TMEM74: variants seen among roughly 807,000 people sequenced by gnomAD.
TMEM74 encodes transmembrane protein 74.
In TMEM74, 13 loss-of-function variants were observed where a neutral mutation model predicts 18.1. The observed-to-expected ratio is 0.72, with a 90% CI of 0.47 to 1.14. The LOEUF (loss-of-function observed/expected upper bound fraction) is 1.14. TMEM74 is among the 50% of genes most tolerant of loss of function. The pLI, the probability that TMEM74 is intolerant of heterozygous loss-of-function variation, is 0.00. For synonymous variants in TMEM74, 159 were observed against 146.6 expected, an observed-to-expected ratio of 1.08 and a Z score of -0.61; for missense variants, 372 against 375.9, an observed-to-expected ratio of 0.99 and a Z score of 0.09.
chr8:108,759,273 G>A (rs1440397709), intron 1 of TMEM74, among the ~76,000 whole-genome samples: 3 of 152,034 alleles, frequency 2.0e-5, no homozygotes, highest in African/African-American at 4.8e-5. Context: ...ATTAAGAAAA[G>A]TGAACTGTTT....
chr8:108,654,781 A>G (rs931134319), intron 2 of TMEM74, among the ~76,000 whole-genome samples: 1 of 151,584 alleles, frequency 6.6e-6, no homozygotes, highest in African/African-American at 2.4e-5. Flanking sequence ...ATTCCACCTA[A>G]TTTTAAGGAA....
intron 1 of TMEM74, among the ~76,000 whole-genome samples, chr8:108,752,503 C>A (rs917734850): frequency 3.3e-5 from 5 of 152,136 alleles, no homozygotes; most frequent in Admixed American, 1.3e-4. Context: ...GCTGTCACTG[C>A]AGCAAGTATG....
intron 1 of TMEM74, among the ~76,000 whole-genome samples, chr8:108,686,147 T>A (rs903100504): frequency 2.6e-5 from 4 of 152,148 alleles, no homozygotes; most frequent in African/African-American, 9.6e-5. Flanking sequence ...CTAAAAAAAA[T>A]TAAGCAAGAT....
intron 1 of TMEM74, among the ~76,000 whole-genome samples, chr8:108,740,004 G>A (rs1813784499): frequency 6.6e-6 from 1 of 152,192 alleles, no homozygotes; most frequent in South Asian, 2.1e-4. Flanking sequence ...CAGGTGGTGA[G>A]AATGTGGGGG....
intron 2 of TMEM74, chr8:108,652,600 TG>T: frequency 3.2e-6 from 2 of 620,988 alleles, no homozygotes; most frequent in Non-Finnish European, 6.1e-6. Context: ...ACAGAGACAC[TG>T]GGAAAAGATA....
intron 1 of TMEM74, among the ~76,000 whole-genome samples, chr8:108,724,701 C>T (rs539618305): frequency 6.6e-6 from 1 of 152,156 alleles, no homozygotes; most frequent in African/African-American, 2.4e-5. Context: ...AAGCACCTCA[C>T]TATGCATATC....
chr8:108,730,682 G>A (rs988187969), intron 1 of TMEM74, among the ~76,000 whole-genome samples: 2 of 147,278 alleles, frequency 1.4e-5, no homozygotes, highest in African/African-American at 2.6e-5. Context: ...CACCAGGTTG[G>A]AATGCAGTGG....
In TMEM74 at chr8:108,784,169, T is replaced by TCACAACCA; in HGVS notation, c.*4_*11dup. The TCACAACCA allele has an allele frequency of 6.4e-7, 1 of 1,551,286 alleles. No individual in the cohort carries two copies. The highest frequency in any genetic ancestry group is 8.7e-7 in the Non-Finnish European group (1 of 1,145,770). On this transcript the variant is annotated 3_prime_UTR_variant, in exon 2 of 2. Coordinates refer to ENST00000297459, the MANE Select transcript of TMEM74 (RefSeq NM_153015.3). Reference sequence around the variant, plus strand: ...ATGCCAAGGCAGACTCTCAAGATATTCACAACCAGAATTAACTCTGTACAG... The same window carrying TCACAACCA: ...ATGCCAAGGCAGACTCTCAAGATATTCACAACCACACAACCAGAATTAACTCTGTACAG...
In TMEM74 at chr8:108,625,772, A is replaced by G. The variant is rs192550959; in HGVS notation, n.265-16946T>C. On this transcript the variant is annotated intron_variant and non_coding_transcript_variant, in intron 2 of 3. Coordinates refer to the TMEM74 transcript ENST00000518838. The stretch of plus-strand genomic sequence containing the variant: ...TTTTTAAGTCTCTCTACCCAATATT[A>G]ACCTGCAAGCAAGCTTAATGTTACT... 2.6e-5 allele frequency among the ~76,000 whole-genome samples: 4 copies of G among 152,094 alleles called. 1 individual carries two copies. The highest frequency in any genetic ancestry group is 1.3e-4 in the Admixed American group (2 of 15,248).
chr8:108,637,946 G>T (rs1419963280), intron 2 of TMEM74, among the ~76,000 whole-genome samples: 1 of 152,170 alleles, frequency 6.6e-6, no homozygotes, highest in Non-Finnish European at 1.5e-5. Context: ...TTGGTGGGAA[G>T]AAAATTTTTT....
chr8:108,631,608 C>T (rs1018824549), intron 2 of TMEM74, among the ~76,000 whole-genome samples: 7 of 151,940 alleles, frequency 4.6e-5, no homozygotes, highest in Middle Eastern at 6.8e-3. Flanking sequence ...TTAAAGATGC[C>T]GGATATTAGA....
intron 2 of TMEM74, among the ~76,000 whole-genome samples, chr8:108,610,918 T>C (rs1812327976): frequency 6.6e-6 from 1 of 152,236 alleles, no homozygotes; most frequent in Non-Finnish European, 1.5e-5. Context: ...TTATTCACTC[T>C]GCCTCATTTA....
chr8:108,634,851 A>G (rs2130556155), intron 2 of TMEM74, among the ~76,000 whole-genome samples: 2 of 152,166 alleles, frequency 1.3e-5, no homozygotes, highest in East Asian at 3.9e-4. Context: ...TGCACTTCAG[A>G]GTGAAGAAGT....
chr8:108,735,170 C>T (rs1313326551), intron 1 of TMEM74, among the ~76,000 whole-genome samples: 1 of 152,148 alleles, frequency 6.6e-6, no homozygotes, highest in Admixed American at 6.6e-5. Flanking sequence ...ATGATGGACC[C>T]AGTCATTGCC....
At chr8:108,694,626 G>T (rs572291432) in intron 1 of TMEM74, among the ~76,000 whole-genome samples, 1 of 152,180 alleles carries the variant, frequency 6.6e-6, no homozygotes, top group Non-Finnish European at 1.5e-5. Flanking sequence ...GAAAGAGAAG[G>T]CTCGCTGTAT....
chr8:108,718,605 CACTA>C (rs1239260312), intron 1 of TMEM74, among the ~76,000 whole-genome samples: 3 of 152,120 alleles, frequency 2.0e-5, no homozygotes, highest in Non-Finnish European at 4.4e-5. Flanking sequence ...TTTTTGACAA[CACTA>C]ACAGAGAGAG....
In TMEM74 at chr8:108,784,572, T is replaced by C. The variant is rs757743557; in HGVS notation, c.527A>G (p.Tyr176Cys). 4.4e-5 allele frequency: 71 copies of C among 1,614,024 alleles called. No homozygotes were observed. Among genetic ancestry groups the C allele is most frequent in the Non-Finnish European group, 5.3e-5 (63 of 1,180,048 alleles). Residue 176 changes from tyrosine to cysteine, a missense_variant, in exon 2 of 2, where the codon TAT becomes TGT. By Grantham distance (194) the Tyr-to-Cys change is radical (BLOSUM62 -2). Transcript: ENST00000297459. ...EATSSGKSID[Y>C]GFISAILFLV... ...GAACAAGATGGCGCTGATGAAACCA[T>C]AGTCTATAGACTTCCCTGAAGACGT...
At chr8:108,675,546 A>T (rs75644407) in intron 1 of TMEM74, among the ~76,000 whole-genome samples, 4,477 of 152,306 alleles carry the variant, frequency 0.029, 123 homozygotes, top group African/African-American at 0.066. Context: ...TGCTCAAATG[A>T]ATGTTGTTTT....
intron 1 of TMEM74, among the ~76,000 whole-genome samples, chr8:108,662,799 C>A (rs1390971608): frequency 2.6e-5 from 4 of 152,142 alleles, no homozygotes; most frequent in Non-Finnish European, 5.9e-5. Flanking sequence ...GCAGCTTGGG[C>A]ATCACCTGGC....
Sources: allele counts gnomAD v4.1 joint callset (sites outside exome capture counted in the v4.1 genomes callset), GRCh38; gene constraint gnomAD v4.1.1; transcripts MANE v1.5; gene names NCBI Gene and HGNC (gene_info 2026-07-23, HGNC 2026-07-21).